The following ROBO2 variants were observed in gnomAD, a reference collection of about 807,000 sequenced individuals.
ROBO2 encodes the protein roundabout guidance receptor 2.
A neutral mutation model predicts 160.8 loss-of-function variants in ROBO2; 53 were observed. The ratio of observed to expected loss-of-function variants is 0.33; its 90% CI spans 0.26 to 0.41. The LOEUF is 0.41. Ranked by LOEUF, ROBO2 falls within the 10% of genes least tolerant of loss-of-function variation. The pLI, the probability that ROBO2 is intolerant of heterozygous loss-of-function variation, is 1.00. For synonymous variants in ROBO2, 664 were observed against 611.7 expected (o/e 1.09, Z -1.26); for missense variants, 1,577 against 1,722.4 (o/e 0.92, Z 1.49).
chr3:76,114,436 T>C (rs919361754), intron 2 of ROBO2, among the ~76,000 whole-genome samples: 10 of 152,142 alleles, frequency 6.6e-5, no homozygotes, highest in African/African-American at 2.4e-4. Context: ...AAAAAAATTA[T>C]TCATAATAGC....
intron 2 of ROBO2, among the ~76,000 whole-genome samples, chr3:76,586,971 CTTTA>C (rs1282881087): frequency 6.6e-6 from 1 of 152,142 alleles, no homozygotes; most frequent in Non-Finnish European, 1.5e-5. Context: ...CTTCAAAAGT[CTTTA>C]TTTGAGTTTG....
At chr3:76,821,579 A>G (rs1576844560) in intron 2 of ROBO2, among the ~76,000 whole-genome samples, 1 of 152,146 alleles carries the variant, frequency 6.6e-6, no homozygotes, top group African/African-American at 2.4e-5. Flanking sequence ...AAAGGTTGTT[A>G]TGAGGGACTT....
At chr3:77,088,553 C>T (rs146622478) in intron 1 of ROBO2, among the ~76,000 whole-genome samples, 76 of 152,250 alleles carry the variant, frequency 5.0e-4, no homozygotes, top group African/African-American at 1.8e-3. Context: ...TCACTCCCCA[C>T]GCTGCCCCTG....
At chr3:76,837,056 G>A (rs575995625) in intron 2 of ROBO2, among the ~76,000 whole-genome samples, 7 of 151,736 alleles carry the variant, frequency 4.6e-5, no homozygotes, top group South Asian at 4.2e-4. Context: ...TGTCCTTTAC[G>A]CATGTCATGA....
intron 2 of ROBO2, among the ~76,000 whole-genome samples, chr3:77,178,713 C>T (rs932993185): frequency 1.3e-5 from 2 of 151,998 alleles, no homozygotes; most frequent in Admixed American, 1.3e-4. Context: ...AAATAATTTA[C>T]ATAGGACATA....
At chr3:76,285,044 T>A (rs1326680004) in intron 2 of ROBO2, among the ~76,000 whole-genome samples, 1 of 152,156 alleles carries the variant, frequency 6.6e-6, no homozygotes, top group Non-Finnish European at 1.5e-5. Flanking sequence ...GTATTTGAGT[T>A]CGGAGGCAAG....
At chr3:77,268,222 C>T (rs184783891) in intron 2 of ROBO2, among the ~76,000 whole-genome samples, 2 of 152,232 alleles carry the variant, frequency 1.3e-5, no homozygotes, top group Admixed American at 6.5e-5. Context: ...TTGTCTGAGT[C>T]TTCTTTTTTC....
chr3:75,991,105 G>A (rs2065554692), intron 2 of ROBO2, among the ~76,000 whole-genome samples: 1 of 152,134 alleles, frequency 6.6e-6, no homozygotes, highest in South Asian at 2.1e-4. Context: ...CAGATGGTGG[G>A]ACTGGTTGGT....
At chr3:76,797,427 A>G (rs549502702) in intron 2 of ROBO2, among the ~76,000 whole-genome samples, 1 of 152,242 alleles carries the variant, frequency 6.6e-6, no homozygotes, top group African/African-American at 2.4e-5. Flanking sequence ...CCTATGGCAT[A>G]CAGCAAAAGC....
At chr3:77,232,862 G>A (rs1227023500) in intron 2 of ROBO2, among the ~76,000 whole-genome samples, 1 of 152,184 alleles carries the variant, frequency 6.6e-6, no homozygotes, top group Non-Finnish European at 1.5e-5. Flanking sequence ...GTGCTCAAAA[G>A]TGTCTGTAGA....
chr3:77,299,577 T>C (rs914895077), intron 2 of ROBO2, among the ~76,000 whole-genome samples: 7 of 152,132 alleles, frequency 4.6e-5, no homozygotes, highest in Admixed American at 3.9e-4. Context: ...TCAGATTCCC[T>C]GAGAACTCAC....
intron 2 of ROBO2, among the ~76,000 whole-genome samples, chr3:76,084,498 T>G (rs1246513142): frequency 6.6e-6 from 1 of 152,158 alleles, no homozygotes; most frequent in Non-Finnish European, 1.5e-5. Context: ...GATGAGGAAT[T>G]TACTCAAAAT....
At chr3:76,304,103 T>C (rs2071207477) in intron 2 of ROBO2, among the ~76,000 whole-genome samples, 1 of 152,256 alleles carries the variant, frequency 6.6e-6, no homozygotes, top group African/African-American at 2.4e-5. Context: ...TTATACATTA[T>C]GCATTTGACC....
chr3:76,336,800 C>T (rs1386016215), intron 2 of ROBO2, among the ~76,000 whole-genome samples: 5 of 151,964 alleles, frequency 3.3e-5, no homozygotes, highest in South Asian at 4.2e-4. Flanking sequence ...TAAATACATT[C>T]GAAAGATTTT....
intron 2 of ROBO2, among the ~76,000 whole-genome samples, chr3:76,395,774 A>G (rs2077408443): frequency 6.6e-6 from 1 of 152,208 alleles, no homozygotes; most frequent in Non-Finnish European, 1.5e-5. Context: ...TAAACCAGGA[A>G]GAAGTTGAAT....
intron 1 of ROBO2, among the ~76,000 whole-genome samples, chr3:75,919,269 G>A (rs961868807): frequency 5.9e-5 from 9 of 152,066 alleles, no homozygotes; most frequent in African/African-American, 2.2e-4. Flanking sequence ...TTTATTGAAG[G>A]CCTTTTCTGA....
intron 2 of ROBO2, among the ~76,000 whole-genome samples, chr3:76,443,526 A>T (rs1249175093): frequency 1.3e-5 from 2 of 152,160 alleles, no homozygotes; most frequent in Non-Finnish European, 2.9e-5. Flanking sequence ...AGTGTGTCAT[A>T]GAAATTCAGA....
chr3:77,431,099 A>C (rs868311863), intron 2 of ROBO2, among the ~76,000 whole-genome samples: 38 of 152,250 alleles, frequency 2.5e-4, no homozygotes, highest in Middle Eastern at 3.2e-3. Context: ...TTAGAAATGT[A>C]TATAGTGCAA....
intron 2 of ROBO2, among the ~76,000 whole-genome samples, chr3:76,227,659 C>T (rs1269264445): frequency 6.6e-6 from 1 of 152,090 alleles, no homozygotes; most frequent in East Asian, 1.9e-4. Context: ...CACCTTTAGT[C>T]CAAGGATAAA....
Sources: gnomAD v4.1 joint callset for allele counts (sites outside exome capture counted in the v4.1 genomes callset) on GRCh38, gnomAD v4.1.1 for gene constraint, MANE v1.5 for transcripts, NCBI Gene and HGNC (gene_info 2026-07-23, HGNC 2026-07-21) for gene names.